TRAPPC9: variants seen among roughly 807,000 people sequenced by gnomAD.
TRAPPC9 encodes the protein trafficking protein particle complex subunit 9.
In TRAPPC9, 83 loss-of-function variants were observed where a neutral mutation model predicts 124.0. The observed-to-expected ratio is 0.67, with a 90% CI of 0.56 to 0.80. TRAPPC9 has a LOEUF of 0.80. TRAPPC9 is among the 30% of genes least tolerant of loss of function. The pLI, the probability that TRAPPC9 is intolerant of heterozygous loss-of-function variation, is 0.00. For missense variants in TRAPPC9, 1,302 were observed against 1,508.3 expected, an observed-to-expected ratio of 0.86 and a Z score of 2.27; for synonymous variants, 638 against 617.5, an observed-to-expected ratio of 1.03 and a Z score of -0.49.
At chr8:140,061,790 C>T (rs1842635938) in intron 17 of TRAPPC9, among the ~76,000 whole-genome samples, 1 of 152,168 alleles carries the variant, frequency 6.6e-6, no homozygotes, top group Non-Finnish European at 1.5e-5. Flanking sequence ...TTGGGAAGGG[C>T]TTTGGAGACC....
intron 21 of TRAPPC9, among the ~76,000 whole-genome samples, chr8:139,782,604 C>T (rs575013210): frequency 3.0e-4 from 46 of 152,284 alleles, no homozygotes; most frequent in African/African-American, 9.6e-4. Context: ...ACAGACAAAT[C>T]TGCTATGGTA....
chr8:140,371,245 A>G (rs1009725597), intron 7 of TRAPPC9, 65 bp from the exon 8 acceptor site: 24 of 1,421,466 alleles, frequency 1.7e-5, no homozygotes, highest in Non-Finnish European at 2.1e-5. Context: ...AGAAGCACAC[A>G]TTAAAAATGT....
In TRAPPC9 at chr8:139,968,222, C is replaced by T. The variant is rs116297592; in HGVS notation, c.2810+20504G>A. Among the ~76,000 whole-genome samples the T allele has an allele frequency of 3.3e-3, 507 of 152,238 alleles. 2 individuals carry two copies. The highest frequency in any genetic ancestry group is 0.012 in the African/African-American group (490 of 41,552). Reference sequence around the variant, plus strand: ...AAAAGCACAATGGTGCTTCTGTGTGCTCTTTCATTACGTAAAGCTGAGAAA... The same window carrying T: ...AAAAGCACAATGGTGCTTCTGTGTGTTCTTTCATTACGTAAAGCTGAGAAA... On this transcript the variant is annotated intron_variant, in intron 19 of 22. Coordinates refer to ENST00000438773, the MANE Select transcript of TRAPPC9 (RefSeq NM_001160372.4).
intron 17 of TRAPPC9, among the ~76,000 whole-genome samples, chr8:140,146,823 T>A (rs1209463760): frequency 2.1e-5 from 3 of 143,740 alleles, no homozygotes; most frequent in African/African-American, 8.0e-5. Context: ...TCTATAACCT[T>A]GGGCAAGTTA....
chr8:140,334,873 C>A (rs2066993660), intron 9 of TRAPPC9, among the ~76,000 whole-genome samples: 1 of 151,682 alleles, frequency 6.6e-6, no homozygotes. Flanking sequence ...TAAGGAGGTG[C>A]AGAGGAATAA....
At chr8:139,985,792 G>T (rs542364653) in intron 19 of TRAPPC9, among the ~76,000 whole-genome samples, 3 of 152,178 alleles carry the variant, frequency 2.0e-5, no homozygotes, top group Non-Finnish European at 2.9e-5. Flanking sequence ...CACAGTGAGT[G>T]CATTAGCATG....
rs114800674 is a variant in TRAPPC9 at position 139,791,276 on chromosome 8, C to A, written c.3056-59074G>T. ...ACACGCAGACTCACACACACAGGCG[C>A]CCGTCTCCCCTGCACAGACTCTCAC... On this transcript the variant is annotated intron_variant, in intron 21 of 22. Transcript: ENST00000438773. 6.0e-3 allele frequency among the ~76,000 whole-genome samples: 913 copies of A among 151,922 alleles called. 10 individuals are homozygous for A. The highest frequency in any genetic ancestry group is 0.021 in the African/African-American group (866 of 41,264).
At chr8:139,959,422 T>A (rs1835229060) in intron 19 of TRAPPC9, among the ~76,000 whole-genome samples, 1 of 152,148 alleles carries the variant, frequency 6.6e-6, no homozygotes, top group African/African-American at 2.4e-5. Context: ...ATCCCCATTT[T>A]ATGGCCAATA....
At chr8:139,998,065 G>A (rs1487353324) in intron 18 of TRAPPC9, among the ~76,000 whole-genome samples, 1 of 151,840 alleles carries the variant, frequency 6.6e-6, no homozygotes, top group Non-Finnish European at 1.5e-5. Flanking sequence ...TACACAGGGA[G>A]ACAATGCATC....
At chr8:140,384,015 G>T (rs201653978) in intron 7 of TRAPPC9, among the ~76,000 whole-genome samples, 1 of 152,234 alleles carries the variant, frequency 6.6e-6, no homozygotes, top group Middle Eastern at 3.4e-3. Context: ...TATTCAACAT[G>T]CTTAAAGAAA....
intron 5 of TRAPPC9, among the ~76,000 whole-genome samples, chr8:140,406,358 T>C (rs1020371867): frequency 1.3e-5 from 2 of 152,194 alleles, no homozygotes; most frequent in Admixed American, 6.5e-5. Context: ...TAAATCTCAA[T>C]AGCAGGGAAA....
chr8:139,891,775 T>C (rs937776696), intron 20 of TRAPPC9, among the ~76,000 whole-genome samples: 1 of 152,166 alleles, frequency 6.6e-6, no homozygotes, highest in Non-Finnish European at 1.5e-5. Context: ...AGCCAAGAGC[T>C]CCCATCTCCA....
At chr8:139,958,159 A>G (rs2614733) in intron 19 of TRAPPC9, among the ~76,000 whole-genome samples, 59,893 of 152,054 alleles carry the variant, frequency 0.39, 12,452 homozygotes, top group Non-Finnish European at 0.46. Flanking sequence ...TGAGATAGGC[A>G]TCCCAGAAGG....
intron 16 of TRAPPC9, among the ~76,000 whole-genome samples, chr8:140,249,004 T>C (rs1399003406): frequency 6.8e-6 from 1 of 146,772 alleles, no homozygotes; most frequent in Non-Finnish European, 1.5e-5. Context: ...TATATCTCTT[T>C]ATCTAAAGCC....
At chr8:139,785,740 GA>G (rs199713529) in intron 21 of TRAPPC9, among the ~76,000 whole-genome samples, 4 of 145,850 alleles carry the variant, frequency 2.7e-5, no homozygotes, top group East Asian at 2.0e-4. Flanking sequence ...AAAAAAAGAA[GA>G]AAAAAAAAGG....
At chr8:140,218,017 CAAA>C (rs34589290) in intron 17 of TRAPPC9, among the ~76,000 whole-genome samples, 54 of 139,440 alleles carry the variant, frequency 3.9e-4, no homozygotes, top group Non-Finnish European at 4.7e-4. Flanking sequence ...ACTCTGTCTC[CAAA>C]AAAAAAAAAA....
At chr8:140,017,223 A>C (rs4236866) in intron 18 of TRAPPC9, among the ~76,000 whole-genome samples, 5 of 151,984 alleles carry the variant, frequency 3.3e-5, no homozygotes, top group African/African-American at 4.8e-5. Flanking sequence ...GAAGTTTTTA[A>C]TTTTGATGAA....
At chr8:140,069,386 G>T (rs1251082920) in intron 17 of TRAPPC9, among the ~76,000 whole-genome samples, 1 of 152,140 alleles carries the variant, frequency 6.6e-6, no homozygotes, top group Admixed American at 6.5e-5. Flanking sequence ...ACCTTAAACG[G>T]CGGGGGTGGA....
chr8:140,360,141 G>C lies in TRAPPC9; in HGVS notation c.1404C>G (p.Val468=). ...GGTTCCCCATCCTTCGGGAGGCGTA[G>C]ACCAATTCATGGAGCAAACGCATCT... is the stretch of plus-strand genomic sequence containing the variant. ...AVQMRLLHEL[V]YASRRMGNPA... is the part of the protein sequence containing the mutation. The change falls in exon 9 of 23, where the codon GTC becomes GTG. Residue 468 remains valine, a synonymous_variant. Coordinates refer to ENST00000438773, the MANE Select transcript of TRAPPC9 (RefSeq NM_001160372.4). 6.2e-7 allele frequency: 1 copy of C among 1,614,204 alleles called. No homozygotes were observed. The highest frequency in any genetic ancestry group is 8.5e-7 in the Non-Finnish European group (1 of 1,180,042).
Sources: gnomAD v4.1 joint callset for allele counts (sites outside exome capture counted in the v4.1 genomes callset) on GRCh38, gnomAD v4.1.1 for gene constraint, MANE v1.5 for transcripts, NCBI Gene and HGNC (gene_info 2026-07-23, HGNC 2026-07-21) for gene names.